ARHGEF33: variants seen among roughly 807,000 people sequenced by gnomAD.
The protein encoded by ARHGEF33 is DH and coiled-coil domain-containing protein ENSP00000381780.
Under a neutral mutation model 101.9 loss-of-function variants are expected in ARHGEF33, and 72 were observed. That is an observed-to-expected ratio of 0.71 (90% CI 0.58 to 0.86). ARHGEF33 has a LOEUF of 0.86. Ranked by LOEUF, ARHGEF33 falls within the 40% of genes least tolerant of loss-of-function variation. The probability of loss-of-function intolerance (pLI) is 0.00; values close to 1 mark genes in which losing one functional copy is unlikely to be tolerated. For missense variants in ARHGEF33, 1,169 were observed against 1,111.3 expected, an observed-to-expected ratio of 1.05 and a Z score of -0.74; for synonymous variants, 499 against 442.5, an observed-to-expected ratio of 1.13 and a Z score of -1.60.
intron 2 of ARHGEF33, among the ~76,000 whole-genome samples, chr2:38,899,837 G>T (rs1390060472): frequency 6.6e-6 from 1 of 151,806 alleles, no homozygotes; most frequent in African/African-American, 2.4e-5. Flanking sequence ...TATAATTTGT[G>T]AATTAAAAAA....
At chr2:38,910,873 A>G (rs562513975) in intron 2 of ARHGEF33, among the ~76,000 whole-genome samples, 20 of 152,294 alleles carry the variant, frequency 1.3e-4, no homozygotes, top group African/African-American at 4.8e-4. Flanking sequence ...GTACTTTGAA[A>G]TACTGTGGCA....
intron 17 of ARHGEF33, among the ~76,000 whole-genome samples, 193 bp downstream of exon 17, chr2:38,966,338 T>A (rs1668051622): frequency 6.6e-6 from 1 of 152,186 alleles, no homozygotes; most frequent in African/African-American, 2.4e-5. Flanking sequence ...AGAAGCAAAC[T>A]CAGCTCTCTG....
intron 10 of ARHGEF33, among the ~76,000 whole-genome samples, chr2:38,948,486 A>G (rs377623825): frequency 4.6e-5 from 7 of 151,844 alleles, no homozygotes; most frequent in African/African-American, 1.5e-4. Flanking sequence ...AAGTACATTG[A>G]CCACAGTGTA....
intron 7 of ARHGEF33, among the ~76,000 whole-genome samples, chr2:38,932,441 TA>T (rs1464252278): frequency 9.7e-5 from 12 of 123,130 alleles, no homozygotes; most frequent in African/African-American, 4.6e-4. Context: ...TTTTTATTTT[TA>T]TTTTTTTTTT....
chr2:38,931,456 T>A (rs531141997), intron 7 of ARHGEF33: 8 of 492,170 alleles, frequency 1.6e-5, no homozygotes, highest in Non-Finnish European at 2.8e-5. Flanking sequence ...TTTTGGTGTG[T>A]GGTCGGGGGA....
At chr2:38,899,719 CAAT>C (rs1381676198) in intron 2 of ARHGEF33, among the ~76,000 whole-genome samples, 2 of 152,200 alleles carry the variant, frequency 1.3e-5, no homozygotes, top group Non-Finnish European at 2.9e-5. Flanking sequence ...CTCACCACAA[CAAT>C]GACAAGTATA....
intron 13 of ARHGEF33, among the ~76,000 whole-genome samples, chr2:38,955,947 G>T (rs1182071799): frequency 1.3e-5 from 2 of 152,098 alleles, no homozygotes. Context: ...GGGATGACAG[G>T]TGTGAGCCAC....
intron 10 of ARHGEF33, among the ~76,000 whole-genome samples, chr2:38,950,631 G>A (rs56220405): frequency 0.043 from 6,610 of 152,148 alleles, 236 homozygotes; most frequent in Non-Finnish European, 0.065. Flanking sequence ...TGTATTTTTA[G>A]TAGAGATGGG....
At chr2:38,928,694 C>A in intron 4 of ARHGEF33, 1 of 346,534 alleles carries the variant, frequency 2.9e-6, no homozygotes, top group East Asian at 4.5e-5. Context: ...ATTTATCAAG[C>A]TTCAGCATAT....
intron 8 of ARHGEF33, 196 bp from the exon 9 acceptor site, chr2:38,937,139 T>C (rs923385326): frequency 8.1e-5 from 40 of 496,358 alleles, no homozygotes; most frequent in African/African-American, 6.5e-4. Context: ...GGACTACAGG[T>C]GCCCGCCACC....
chr2:38,948,582 G>A (rs1256531720), intron 10 of ARHGEF33, among the ~76,000 whole-genome samples: 2 of 151,780 alleles, frequency 1.3e-5, no homozygotes, highest in South Asian at 2.1e-4. Context: ...GAGGAAGGGA[G>A]GAAGAAAGGG....
At chr2:38,916,559 C>G (rs531136104) in intron 2 of ARHGEF33, among the ~76,000 whole-genome samples, 17 of 152,278 alleles carry the variant, frequency 1.1e-4, no homozygotes, top group Admixed American at 3.9e-4. Flanking sequence ...GAAAGATGCC[C>G]TAGCTTGACA....
intron 2 of ARHGEF33, among the ~76,000 whole-genome samples, chr2:38,906,342 A>G (rs568025335): frequency 6.6e-6 from 1 of 152,318 alleles, no homozygotes; most frequent in Admixed American, 6.5e-5. Flanking sequence ...AACTTGTTCC[A>G]AACAAGGAAA....
intron 13 of ARHGEF33, among the ~76,000 whole-genome samples, chr2:38,955,733 G>A (rs1446123166): frequency 6.6e-6 from 1 of 151,900 alleles, no homozygotes; most frequent in Non-Finnish European, 1.5e-5. Flanking sequence ...CTGGAGTGCA[G>A]TGGCATGATC....
At chr2:38,972,360 G>A (rs1449067230) in intron 17 of ARHGEF33, among the ~76,000 whole-genome samples, 1 of 152,146 alleles carries the variant, frequency 6.6e-6, no homozygotes, top group Non-Finnish European at 1.5e-5. Flanking sequence ...GGGGGTTCCT[G>A]AAAAGGAAGA....
chr2:38,947,750 G>A (rs914255502), intron 10 of ARHGEF33, among the ~76,000 whole-genome samples: 1 of 152,114 alleles, frequency 6.6e-6, no homozygotes, highest in African/African-American at 2.4e-5. Flanking sequence ...GATCAGCTCA[G>A]CAGGATTGTC....
intron 2 of ARHGEF33, among the ~76,000 whole-genome samples, chr2:38,911,840 T>C (rs909534690): frequency 2.0e-5 from 3 of 152,090 alleles, no homozygotes; most frequent in African/African-American, 7.2e-5. Context: ...GCCACTGTAC[T>C]TTGGCCTGGG....
chr2:38,975,067 C>T lies in ARHGEF33; in HGVS notation c.*1224C>T, dbSNP rs1453833481. On this transcript the variant is annotated 3_prime_UTR_variant, in exon 18 of 18. Coordinates refer to ENST00000409978, the MANE Select transcript of ARHGEF33 (RefSeq NM_001145451.5). ...AAATTAGGGGTATTTGGTTTCTGTT[C>T]ATTCAAAATCTTGGTACTCAAACTG... The T allele has an allele frequency of 6.6e-6, 1 of 152,176 alleles. No homozygotes were observed. The highest frequency in any genetic ancestry group is 1.5e-5 in the Non-Finnish European group (1 of 68,022). 9.4% of individuals were successfully genotyped at this position (152,176 alleles called of 1,614,324 possible). A position where few individuals can be genotyped will look rare whatever the true frequency, so the allele number is the denominator to read the frequency against.
intron 2 of ARHGEF33, among the ~76,000 whole-genome samples, chr2:38,902,073 C>G (rs1290411978): frequency 6.6e-6 from 1 of 151,086 alleles, no homozygotes. Context: ...CGAGATCGCG[C>G]CACTGCACTC....
Sources: gnomAD v4.1 joint callset for allele counts (sites outside exome capture counted in the v4.1 genomes callset) on GRCh38, gnomAD v4.1.1 for gene constraint, MANE v1.5 for transcripts, NCBI Gene and HGNC (gene_info 2026-07-23, HGNC 2026-07-21) for gene names.